FOXP1: variants seen among roughly 807,000 people sequenced by gnomAD.
FOXP1 encodes forkhead box P1, also known as forkhead box protein P1.
A neutral mutation model predicts 98.2 loss-of-function variants in FOXP1; 15 were observed. That is an observed-to-expected ratio of 0.15 (90% CI 0.10 to 0.24). The LOEUF is 0.24. Ranked by LOEUF, FOXP1 falls within the 10% of genes least tolerant of loss-of-function variation. The pLI, the probability that FOXP1 is intolerant of heterozygous loss-of-function variation, is 1.00. For missense variants in FOXP1, 633 were observed against 848.5 expected, an observed-to-expected ratio of 0.75 and a Z score of 3.15; for synonymous variants, 371 against 314.5, an observed-to-expected ratio of 1.18 and a Z score of -1.90.
rs2032064603 is a variant in FOXP1 at position 70,957,317 on chromosome 3, C to CAACT, written c.*1926_*1929dup. ...AAAAATAACTACTAGAAAAAAGTAA[C>CAACT]AACTTTGGTTCCATTATCTACTTGG... On this transcript the variant is annotated 3_prime_UTR_variant, in exon 21 of 21. Transcript: ENST00000649528. The CAACT allele has an allele frequency of 4.4e-6, 1 of 227,478 alleles. No homozygotes were observed. Among genetic ancestry groups the CAACT allele is most frequent in the African/African-American group, 2.2e-5 (1 of 44,962 alleles). The allele number at this position is 227,478 out of a possible 1,614,324, so 14.1% of individuals were successfully genotyped here.
chr3:71,239,175 G>A (rs2067045533), intron 5 of FOXP1, among the ~76,000 whole-genome samples: 1 of 152,142 alleles, frequency 6.6e-6, no homozygotes, highest in African/African-American at 2.4e-5. Flanking sequence ...TACATGCTGG[G>A]ATAAAAATTA....
intron 6 of FOXP1, among the ~76,000 whole-genome samples, chr3:71,196,495 T>C (rs1056453064): frequency 3.3e-5 from 5 of 152,242 alleles, no homozygotes; most frequent in African/African-American, 1.2e-4. Flanking sequence ...TTCCCATTTA[T>C]GTAATTAATG....
At chr3:70,991,537 C>T (rs758872543) in intron 13 of FOXP1, among the ~76,000 whole-genome samples, 3 of 152,140 alleles carry the variant, frequency 2.0e-5, no homozygotes, top group Non-Finnish European at 4.4e-5. Context: ...TTAACATCAC[C>T]ATTTTCTATG....
At chr3:70,973,813 T>C (rs566439009) in intron 17 of FOXP1, among the ~76,000 whole-genome samples, 199 of 149,218 alleles carry the variant, frequency 1.3e-3, no homozygotes, top group African/African-American at 4.5e-3. Flanking sequence ...AACACTGCTA[T>C]TGCACAAGCG....
chr3:70,962,070 G>C (rs2033669781), intron 20 of FOXP1, among the ~76,000 whole-genome samples: 1 of 152,102 alleles, frequency 6.6e-6, no homozygotes, highest in East Asian at 1.9e-4. Context: ...CAAACCCTTA[G>C]TTAAGGCCAG....
chr3:71,224,703 C>A (rs1308144892), intron 5 of FOXP1, among the ~76,000 whole-genome samples: 1 of 152,172 alleles, frequency 6.6e-6, no homozygotes, highest in Non-Finnish European at 1.5e-5. Context: ...AAATCAATGA[C>A]CAGATGGGAC....
chr3:71,409,083 T>G (rs947944519), intron 3 of FOXP1, among the ~76,000 whole-genome samples: 1 of 152,292 alleles, frequency 6.6e-6, no homozygotes, highest in Middle Eastern at 3.4e-3. Context: ...ATGAGCAGGC[T>G]CTCACTGCAG....
intron 4 of FOXP1, among the ~76,000 whole-genome samples, chr3:71,321,070 G>A (rs1174240457): frequency 1.4e-5 from 2 of 146,400 alleles, no homozygotes; most frequent in Non-Finnish European, 3.0e-5. Flanking sequence ...GATTCACTAT[G>A]CACCCCTAAT....
intron 6 of FOXP1, among the ~76,000 whole-genome samples, chr3:71,116,959 C>G (rs942944482): frequency 2.6e-5 from 4 of 152,212 alleles, no homozygotes; most frequent in African/African-American, 4.8e-5. Context: ...CCTTTGGAAT[C>G]TGTGTCAGAG....
intron 6 of FOXP1, among the ~76,000 whole-genome samples, chr3:71,187,442 G>C (rs1431953343): frequency 6.6e-6 from 1 of 152,052 alleles, no homozygotes; most frequent in Non-Finnish European, 1.5e-5. Flanking sequence ...AAAATTGTGG[G>C]CATGGTGGCG....
intron 4 of FOXP1, among the ~76,000 whole-genome samples, chr3:71,303,374 G>C (rs1327652915): frequency 6.6e-6 from 1 of 152,126 alleles, no homozygotes; most frequent in African/African-American, 2.4e-5. Context: ...CAGTTCAGTA[G>C]GTCTATGGCT....
chr3:71,293,508 T>C (rs1423872586), intron 5 of FOXP1, among the ~76,000 whole-genome samples: 1 of 152,064 alleles, frequency 6.6e-6, no homozygotes, highest in Non-Finnish European at 1.5e-5. Flanking sequence ...GATAAAACCA[T>C]TTGCTATTTG....
intron 6 of FOXP1, among the ~76,000 whole-genome samples, chr3:71,145,003 A>G (rs549942077): frequency 6.6e-6 from 1 of 152,320 alleles, no homozygotes; most frequent in South Asian, 2.1e-4. Context: ...GGGTCTGTTA[A>G]GAGTTCATCC....
intron 6 of FOXP1, among the ~76,000 whole-genome samples, chr3:71,170,992 G>A (rs1361120069): frequency 6.6e-6 from 1 of 152,098 alleles, no homozygotes; most frequent in Non-Finnish European, 1.5e-5. Context: ...AAACCAGGAA[G>A]GCGGGCATGA....
chr3:71,061,187 C>CA (rs2051422239), intron 7 of FOXP1, among the ~76,000 whole-genome samples: 1 of 152,116 alleles, frequency 6.6e-6, no homozygotes, highest in Admixed American at 6.5e-5. Context: ...AGGACTAAAA[C>CA]AAGAGTCCAG....
intron 4 of FOXP1, among the ~76,000 whole-genome samples, chr3:71,343,397 A>G (rs2107791476): frequency 6.6e-6 from 1 of 152,160 alleles, no homozygotes; most frequent in East Asian, 1.9e-4. Context: ...CCTCTAGGAG[A>G]GAAAGGACTG....
chr3:71,439,433 TAGA>T (rs1329546415), intron 3 of FOXP1, among the ~76,000 whole-genome samples: 2 of 152,104 alleles, frequency 1.3e-5, no homozygotes, highest in Non-Finnish European at 2.9e-5. Context: ...TAAGAAAACT[TAGA>T]AGAAGGAAAA....
At position 71,362,330 on chromosome 3, in the gene FOXP1, C is replaced by T. The variant is rs146170250; in HGVS notation, c.-167-3086G>A. On this transcript the variant is annotated intron_variant, in intron 3 of 20. Transcript: ENST00000649528. The stretch of plus-strand genomic sequence containing the variant: ...GGGACTACAGGTGCCCACTGTAATG[C>T]CCAGCTAATTTTTTGTATTTTTAGT... Among the ~76,000 whole-genome samples the T allele has an allele frequency of 1.2e-3, 190 of 152,186 alleles. 1 individual carries two copies. Among genetic ancestry groups the T allele is most frequent in the African/African-American group, 4.2e-3 (174 of 41,540 alleles).
chr3:71,436,321 C>T (rs1186532351), intron 3 of FOXP1, among the ~76,000 whole-genome samples: 1 of 152,086 alleles, frequency 6.6e-6, no homozygotes, highest in Non-Finnish European at 1.5e-5. Context: ...TAAGATGCAG[C>T]CTGGTATAAG....
Sources: allele counts gnomAD v4.1 joint callset (sites outside exome capture counted in the v4.1 genomes callset), GRCh38; gene constraint gnomAD v4.1.1; transcripts MANE v1.5; gene names NCBI Gene and HGNC (gene_info 2026-07-23, HGNC 2026-07-21).